The following PLCE1 variants were observed in gnomAD, a reference collection of about 807,000 sequenced individuals.
PLCE1 encodes the protein phospholipase C epsilon 1.
PLCE1 carries 119 observed loss-of-function variants against 242.8 expected under a neutral mutation model. The observed-to-expected ratio is 0.49, with a 90% confidence interval of 0.42 to 0.57. The LOEUF (loss-of-function observed/expected upper bound fraction) is 0.57, where lower values mean the gene tolerates loss of function less well. Among genes scored for constraint, PLCE1 ranks in the 20% least tolerant of loss-of-function variants. PLCE1 has a pLI of 0.00. For synonymous variants in PLCE1, 945 were observed against 1,017.4 expected (o/e 0.93, Z 1.35); for missense variants, 2,441 against 2,788.8 (o/e 0.88, Z 2.81).
At chr10:94,220,183 C>T (rs190150762) in intron 4 of PLCE1, among the ~76,000 whole-genome samples, 1 of 150,778 alleles carries the variant, frequency 6.6e-6, no homozygotes, top group Admixed American at 6.6e-5. Flanking sequence ...TTTATACATA[C>T]ATACATACAT....
chr10:94,240,206 AACTT>A (rs2050456981), intron 7 of PLCE1, among the ~76,000 whole-genome samples: 1 of 152,170 alleles, frequency 6.6e-6, no homozygotes, highest in Non-Finnish European at 1.5e-5. Context: ...TTATGATACT[AACTT>A]AAACTCAAGC....
At chr10:94,215,617 C>T (rs1361735495) in intron 4 of PLCE1, among the ~76,000 whole-genome samples, 2 of 152,080 alleles carry the variant, frequency 1.3e-5, no homozygotes, top group Non-Finnish European at 2.9e-5. Context: ...GCTTTGGGTC[C>T]TCCAGGTAAG....
At chr10:94,026,151 C>A (rs1168106734) in intron 1 of PLCE1, among the ~76,000 whole-genome samples, 12 of 152,134 alleles carry the variant, frequency 7.9e-5, no homozygotes, top group African/African-American at 2.9e-4. Context: ...ATAGTCCCCT[C>A]TCCTGAAGCT....
chr10:94,269,733 G>T (rs1458360466), intron 17 of PLCE1, among the ~76,000 whole-genome samples: 1 of 152,186 alleles, frequency 6.6e-6, no homozygotes, highest in Non-Finnish European at 1.5e-5. Context: ...TCAGGAGTTA[G>T]GAGATGGTTA....
At chr10:94,077,782 C>A (rs72812683) in intron 2 of PLCE1, among the ~76,000 whole-genome samples, 27,408 of 151,784 alleles carry the variant, frequency 0.18, 3,040 homozygotes, top group Non-Finnish European at 0.25. Flanking sequence ...AACAAACAAA[C>A]AAAAAAACAG....
intron 4 of PLCE1, among the ~76,000 whole-genome samples, chr10:94,199,612 T>C (rs1440390238): frequency 1.3e-5 from 2 of 152,260 alleles, no homozygotes; most frequent in Non-Finnish European, 2.9e-5. Context: ...AAATAAGTTA[T>C]AACAAGTCTT....
intron 4 of PLCE1, among the ~76,000 whole-genome samples, chr10:94,224,341 C>T (rs1282143680): frequency 6.6e-6 from 1 of 152,114 alleles, no homozygotes. Flanking sequence ...GTGACACAAA[C>T]CAAGTGGTGG....
rs533132260 is a variant in PLCE1, at chr10:94,252,449, A to G, written c.3230A>G (p.Asn1077Ser). The G allele has an allele frequency of 2.5e-6, 4 of 1,614,000 alleles. No individual in the cohort carries two copies. The highest frequency in any genetic ancestry group is 2.7e-5 in the African/African-American group (2 of 75,018). Residue 1077 changes from asparagine to serine, a missense_variant, in exon 9 of 33, where the codon AAT (asparagine) becomes AGT (serine). Transcript: ENST00000371380. ...NAEKPNMQRNNTLGISTTKKK... is the reference protein window; with the variant it reads ...NAEKPNMQRNSTLGISTTKKK... ...GAGAAGCCCAATATGCAGAGAAACAATACCCTGGGCATAAGCACTACCAAG... is the reference window on the plus strand; with the variant it reads ...GAGAAGCCCAATATGCAGAGAAACAGTACCCTGGGCATAAGCACTACCAAG...
chr10:94,142,531 T>G (rs557176507), intron 3 of PLCE1, among the ~76,000 whole-genome samples: 24 of 152,170 alleles, frequency 1.6e-4, no homozygotes, highest in African/African-American at 5.8e-4. Flanking sequence ...CTACAAAAAC[T>G]TTAAAAATTA....
intron 1 of PLCE1, among the ~76,000 whole-genome samples, chr10:93,996,691 T>C (rs2060830823): frequency 6.6e-6 from 1 of 152,264 alleles, no homozygotes; most frequent in African/African-American, 2.4e-5. Context: ...ATCTGTGTTA[T>C]GGCTTAAATA....
chr10:94,020,786 G>T (rs367990574), intron 1 of PLCE1, among the ~76,000 whole-genome samples: 31 of 151,992 alleles, frequency 2.0e-4, no homozygotes, highest in African/African-American at 6.8e-4. Context: ...TTAAAAACTT[G>T]GGTTGTTTGC....
chr10:94,247,208 G>C (rs1450058617), intron 8 of PLCE1, among the ~76,000 whole-genome samples: 1 of 150,822 alleles, frequency 6.6e-6, no homozygotes, highest in Non-Finnish European at 1.5e-5. Flanking sequence ...GGTCCTATTT[G>C]TATTTTGTAT....
chr10:94,086,345 G>A (rs1186831285), intron 2 of PLCE1, among the ~76,000 whole-genome samples: 1 of 152,116 alleles, frequency 6.6e-6, no homozygotes, highest in Non-Finnish European at 1.5e-5. Context: ...CCAGCTTGAC[G>A]ACCCATTTTA....
intron 2 of PLCE1, among the ~76,000 whole-genome samples, chr10:94,051,137 T>C (rs921278087): frequency 2.0e-5 from 3 of 151,966 alleles, no homozygotes; most frequent in African/African-American, 7.3e-5. Context: ...TGTGACTTAG[T>C]AGTGGTTTGA....
chr10:94,255,083 T>C, intron 11 of PLCE1, 34 bp downstream of exon 11: 1 of 1,606,248 alleles, frequency 6.2e-7, no homozygotes, highest in Non-Finnish European at 8.5e-7. Context: ...AGAAGGACCC[T>C]TCACATTATT....
At chr10:94,279,760 T>C (rs757269447) in intron 19 of PLCE1, 22 bp from the exon 20 acceptor site, 19 of 1,613,126 alleles carry the variant, frequency 1.2e-5, no homozygotes, top group Non-Finnish European at 1.5e-5. Flanking sequence ...ATCTGCAGTT[T>C]ACAATTATTG....
At chr10:94,220,374 TTTTATATATATATATATATATA>T (rs1278605419) in intron 4 of PLCE1, among the ~76,000 whole-genome samples, 15 of 38,398 alleles carry the variant, frequency 3.9e-4, no homozygotes, top group African/African-American at 1.1e-3. Flanking sequence ...AAACTAAACA[TTTTATATATATATATATATATA>T]TATATATATA....
At chr10:94,240,181 T>C (rs1333988953) in intron 7 of PLCE1, among the ~76,000 whole-genome samples, 1 of 152,188 alleles carries the variant, frequency 6.6e-6, no homozygotes, top group African/African-American at 2.4e-5. Flanking sequence ...TCTATTTGTA[T>C]GGATGTCTTT....
rs532835970 is a variant in PLCE1, at chr10:94,196,164, C to A, written c.1809+24668C>A. Among the ~76,000 whole-genome samples the A allele has an allele frequency of 2.0e-5, 3 of 152,292 alleles. No individual in the cohort carries two copies. In the East Asian group the frequency reaches 5.8e-4, roughly 29 times the overall value. On this transcript the variant is annotated intron_variant, in intron 4 of 32. Transcript: ENST00000371380. ...CTTCTGATACTTAATGTATAAGGTG[C>A]ATTGTAAGTAATACTGAATCCAAAC...
Sources: gnomAD v4.1 joint callset for allele counts (sites outside exome capture counted in the v4.1 genomes callset) on GRCh38, gnomAD v4.1.1 for gene constraint, MANE v1.5 for transcripts, NCBI Gene and HGNC (gene_info 2026-07-23, HGNC 2026-07-21) for gene names.